Variants in HMGCLL1 observed in about 807,000 individuals in gnomAD.
The protein encoded by HMGCLL1 is 3-hydroxy-3-methylglutaryl-CoA lyase like 1.
A neutral mutation model predicts 39.1 loss-of-function variants in HMGCLL1; 36 were observed. The ratio of observed to expected loss-of-function variants is 0.92; its 90% CI spans 0.71 to 1.22. The LOEUF (loss-of-function observed/expected upper bound fraction) is 1.22. HMGCLL1 is among the 50% of genes most tolerant of loss of function. The pLI is 0.00. For synonymous variants in HMGCLL1, 149 were observed against 144.0 expected (o/e 1.03, Z -0.25); for missense variants, 451 against 416.5 (o/e 1.08, Z -0.72).
intron 1 of HMGCLL1, among the ~76,000 whole-genome samples, 173 bp downstream of exon 1, chr6:55,578,775 G>T (rs1003074074): frequency 6.6e-6 from 1 of 152,214 alleles, no homozygotes; most frequent in Non-Finnish European, 1.5e-5. Context: ...ACCGAAGAGA[G>T]ATAACGGGAA....
At chr6:55,452,766 C>T (rs189569530) in intron 7 of HMGCLL1, among the ~76,000 whole-genome samples, 1 of 152,200 alleles carries the variant, frequency 6.6e-6, no homozygotes, top group East Asian at 1.9e-4. Context: ...ATAAATTTTC[C>T]TTTTTTGTTT....
At chr6:55,631,892 G>A in the HMGCLL1 span, among the ~76,000 whole-genome samples, 1 of 152,084 alleles carries the variant, frequency 6.6e-6, no homozygotes, top group African/African-American at 2.4e-5. Flanking sequence ...AAACCCTGCA[G>A]AGCAGTAAAG....
chr6:55,482,269 A>T (rs945726406), intron 7 of HMGCLL1, among the ~76,000 whole-genome samples: 2 of 152,126 alleles, frequency 1.3e-5, no homozygotes, highest in African/African-American at 4.8e-5. Context: ...GTCTTTTTTT[A>T]AAAGAATGCA....
At chr6:55,535,021 C>A (rs1398237629) in intron 3 of HMGCLL1, among the ~76,000 whole-genome samples, 1 of 152,154 alleles carries the variant, frequency 6.6e-6, no homozygotes, top group African/African-American at 2.4e-5. Context: ...ATAGTGTATG[C>A]TTGTTCTCAA....
chr6:55,573,394 C>T (rs1314713861), intron 1 of HMGCLL1, among the ~76,000 whole-genome samples: 1 of 152,124 alleles, frequency 6.6e-6, no homozygotes, highest in Non-Finnish European at 1.5e-5. Flanking sequence ...AACTGGAGAT[C>T]TGGATATTGG....
At chr6:55,606,555 AT>A in the HMGCLL1 span, among the ~76,000 whole-genome samples, 3 of 152,152 alleles carry the variant, frequency 2.0e-5, no homozygotes, top group East Asian at 5.8e-4. Context: ...GTATAAACTA[AT>A]AGTTTTTTTA....
At chr6:55,671,190 T>A in the HMGCLL1 span, among the ~76,000 whole-genome samples, 1 of 151,802 alleles carries the variant, frequency 6.6e-6, no homozygotes. Flanking sequence ...GAAATACCAC[T>A]CCCATGAATA....
chr6:55,571,012 C>G (rs537913988), intron 1 of HMGCLL1, among the ~76,000 whole-genome samples: 24 of 152,292 alleles, frequency 1.6e-4, no homozygotes, highest in Admixed American at 5.2e-4. Flanking sequence ...TTCACTACCA[C>G]AAGAACAGTA....
chr6:55,647,940 C>T, the HMGCLL1 span, among the ~76,000 whole-genome samples: 1 of 99,684 alleles, frequency 1.0e-5, no homozygotes, highest in African/African-American at 4.1e-5. Flanking sequence ...CCACCACAGT[C>T]CCCAGAGTGT....
intron 1 of HMGCLL1, among the ~76,000 whole-genome samples, chr6:55,570,680 CACTGGACTTTT>C (rs1234740067): frequency 6.6e-6 from 1 of 152,180 alleles, no homozygotes; most frequent in Non-Finnish European, 1.5e-5. Context: ...CAGTGAAATT[CACTGGACTTTT>C]ACTCCATTCT....
intron 7 of HMGCLL1, among the ~76,000 whole-genome samples, chr6:55,458,077 A>T (rs919341005): frequency 1.3e-5 from 2 of 152,198 alleles, no homozygotes; most frequent in Non-Finnish European, 2.9e-5. Flanking sequence ...TTTTCTAGAA[A>T]CTATTCAATA....
the HMGCLL1 span, among the ~76,000 whole-genome samples, chr6:55,678,055 C>A: frequency 3.3e-5 from 5 of 152,106 alleles, no homozygotes; most frequent in Non-Finnish European, 7.4e-5. Context: ...TCTCATAATA[C>A]CATGCTGAAA....
At chr6:55,625,563 C>A in the HMGCLL1 span, among the ~76,000 whole-genome samples, 1 of 152,132 alleles carries the variant, frequency 6.6e-6, no homozygotes, top group Non-Finnish European at 1.5e-5. Flanking sequence ...AGCTGCAGCA[C>A]TACAGCCCCT....
chr6:55,651,024 G>T, the HMGCLL1 span, among the ~76,000 whole-genome samples: 6 of 152,006 alleles, frequency 3.9e-5, no homozygotes, highest in Non-Finnish European at 7.4e-5. Context: ...CCTGCTTGTT[G>T]GTCTATCCTG....
In HMGCLL1 at chr6:55,503,061, C is replaced by T. The variant is rs139188729; in HGVS notation, c.543-3762G>A. Among the ~76,000 whole-genome samples, 58 of 151,684 alleles carry T rather than the reference C, an allele frequency of 3.8e-4. 2 individuals are homozygous for T. Among genetic ancestry groups the T allele is most frequent in the African/African-American group, 1.4e-3 (56 of 41,462 alleles). On this transcript the variant is annotated intron_variant, in intron 5 of 8. Transcript: ENST00000274901. ...GCTTTATAGTTTTTATTGTGAGTGC[C>T]TTTTCATGGCAATTTTAGTTTCTGT...
At chr6:55,461,912 G>C (rs1188114270) in intron 7 of HMGCLL1, among the ~76,000 whole-genome samples, 1 of 151,986 alleles carries the variant, frequency 6.6e-6, no homozygotes, top group Admixed American at 6.6e-5. Flanking sequence ...CAATTAAGTA[G>C]CAGGAAAAAA....
chr6:55,557,194 A>G (rs4323307), intron 1 of HMGCLL1, among the ~76,000 whole-genome samples: 52,085 of 152,022 alleles, frequency 0.34, 9,061 homozygotes, highest in East Asian at 0.52. Flanking sequence ...GTCTTACACG[A>G]AGATTTATTC....
intron 7 of HMGCLL1, among the ~76,000 whole-genome samples, chr6:55,463,360 T>C (rs1315108090): frequency 2.0e-5 from 3 of 152,044 alleles, no homozygotes; most frequent in Non-Finnish European, 4.4e-5. Flanking sequence ...GAGAGATAAA[T>C]GATACATGAA....
At chr6:55,634,910 A>G in the HMGCLL1 span, among the ~76,000 whole-genome samples, 53,018 of 151,950 alleles carry the variant, frequency 0.35, 9,625 homozygotes, top group African/African-American at 0.44. Flanking sequence ...GGATTTCTAA[A>G]TACTCTAAAA....
Sources: gnomAD v4.1 joint callset for allele counts (sites outside exome capture counted in the v4.1 genomes callset) on GRCh38, gnomAD v4.1.1 for gene constraint, MANE v1.5 for transcripts, NCBI Gene and HGNC (gene_info 2026-07-23, HGNC 2026-07-21) for gene names.